The following TMEM178A variants were observed in gnomAD, a reference collection of about 807,000 sequenced individuals.
The protein encoded by TMEM178A is transmembrane protein 178.
TMEM178A carries 12 observed loss-of-function variants against 29.1 expected under a neutral mutation model. The ratio of observed to expected loss-of-function variants is 0.41; its 90% CI spans 0.26 to 0.67. The LOEUF (loss-of-function observed/expected upper bound fraction) is 0.67. Among genes scored for constraint, TMEM178A ranks in the 30% least tolerant of loss-of-function variants. The pLI is 0.29. For synonymous variants in TMEM178A, 210 were observed against 187.2 expected (o/e 1.12, Z -0.99); for missense variants, 366 against 419.1 (o/e 0.87, Z 1.11).
At chr2:39,706,650 A>G (rs1047853245) in intron 2 of TMEM178A, among the ~76,000 whole-genome samples, 1 of 152,110 alleles carries the variant, frequency 6.6e-6, no homozygotes, top group African/African-American at 2.4e-5. Flanking sequence ...TAAAATTTCA[A>G]TAGTTTTTGG....
chr2:39,677,035 C>G (rs1489756991), intron 1 of TMEM178A, among the ~76,000 whole-genome samples: 1 of 152,128 alleles, frequency 6.6e-6, no homozygotes, highest in African/African-American at 2.4e-5. Context: ...ATTGTGCATT[C>G]TAGGGAATAT....
the TMEM178A span, among the ~76,000 whole-genome samples, chr2:39,734,243 A>G: frequency 1.6e-4 from 25 of 152,316 alleles, no homozygotes; most frequent in South Asian, 4.1e-4. Context: ...GCTAAAGCCA[A>G]TGGTCAATTT....
chr2:39,702,682 A>T (rs895825230), intron 1 of TMEM178A, among the ~76,000 whole-genome samples: 3 of 152,114 alleles, frequency 2.0e-5, no homozygotes, highest in African/African-American at 7.2e-5. Flanking sequence ...ATTAAAAAAA[A>T]AAAAAGAACT....
intron 1 of TMEM178A, among the ~76,000 whole-genome samples, chr2:39,672,778 A>G (rs1157821916): frequency 1.3e-5 from 2 of 151,864 alleles, no homozygotes; most frequent in African/African-American, 4.8e-5. Context: ...CTCAAGAGAT[A>G]CTCTTGCCTT....
intron 3 of TMEM178A, among the ~76,000 whole-genome samples, chr2:39,714,380 GAT>G (rs1672443116): frequency 6.6e-6 from 1 of 152,050 alleles, no homozygotes; most frequent in Non-Finnish European, 1.5e-5. Context: ...CTGGCATAGA[GAT>G]AACACTTAAA....
chr2:39,711,121 G>T (rs1213934722), intron 3 of TMEM178A, among the ~76,000 whole-genome samples: 1 of 152,122 alleles, frequency 6.6e-6, no homozygotes, highest in East Asian at 1.9e-4. Flanking sequence ...CACCCTCTGA[G>T]GTTACACACA....
At chr2:39,722,664 C>G (rs1216447961), downstream of TMEM178A, among the ~76,000 whole-genome samples, 1 of 150,736 alleles carries the variant, frequency 6.6e-6, no homozygotes, top group Non-Finnish European at 1.5e-5. Context: ...ACTGGCCAAC[C>G]CCAGTTTAAA....
downstream of TMEM178A, among the ~76,000 whole-genome samples, chr2:39,722,736 A>G (rs1463731218): frequency 6.6e-6 from 1 of 152,192 alleles, no homozygotes; most frequent in African/African-American, 2.4e-5. Context: ...GAGCTCACTA[A>G]GAAATTCTGA....
chr2:39,727,835 A>C, the TMEM178A span, among the ~76,000 whole-genome samples: 1 of 151,234 alleles, frequency 6.6e-6, no homozygotes, highest in Admixed American at 6.6e-5. Flanking sequence ...TCCCTGTGAC[A>C]GTTTGCTGAG....
chr2:39,672,872 A>G (rs963853304), intron 1 of TMEM178A, among the ~76,000 whole-genome samples: 12 of 152,136 alleles, frequency 7.9e-5, no homozygotes, highest in Non-Finnish European at 1.2e-4. Flanking sequence ...ATAAAAGATC[A>G]GTTTTTGTTG....
At chr2:39,705,698 C>T (rs1671997436) in intron 2 of TMEM178A, among the ~76,000 whole-genome samples, 1 of 152,196 alleles carries the variant, frequency 6.6e-6, no homozygotes, top group African/African-American at 2.4e-5. Flanking sequence ...CTGGAAGCTA[C>T]TGTAATCCAT....
the TMEM178A span, among the ~76,000 whole-genome samples, chr2:39,730,120 C>G: frequency 5.3e-4 from 80 of 152,254 alleles, no homozygotes; most frequent in African/African-American, 1.8e-3. Context: ...GTGTTTCTGT[C>G]CAGTGGAATC....
chr2:39,706,246 T>A (rs1672029417), intron 2 of TMEM178A, among the ~76,000 whole-genome samples: 1 of 152,132 alleles, frequency 6.6e-6, no homozygotes, highest in Non-Finnish European at 1.5e-5. Flanking sequence ...ACTAGACAGT[T>A]GGGCCACTGT....
In TMEM178A at chr2:39,701,855, C is replaced by G. The variant is rs181924566; in HGVS notation, c.401-2226C>G. 3.3e-5 allele frequency among the ~76,000 whole-genome samples: 5 copies of G among 152,176 alleles called. No individual in the cohort carries two copies. In the South Asian group the frequency reaches 6.2e-4, roughly 19 times the overall value. ...TGCATTTTTCTTTTCAGTTATTATACTTTTCAACTCCAGAATTTCTATTTT... is the reference window on the plus strand; with the variant it reads ...TGCATTTTTCTTTTCAGTTATTATAGTTTTCAACTCCAGAATTTCTATTTT... On this transcript the variant is annotated intron_variant, in intron 1 of 3. Transcript: ENST00000281961.
At chr2:39,732,425 A>G in the TMEM178A span, among the ~76,000 whole-genome samples, 11 of 152,106 alleles carry the variant, frequency 7.2e-5, no homozygotes, top group Admixed American at 5.2e-4. Context: ...GTGGAACTCA[A>G]TGCTGATATA....
chr2:39,693,966 C>CT (rs758406067), intron 1 of TMEM178A, among the ~76,000 whole-genome samples: 2,740 of 138,918 alleles, frequency 0.02, 87 homozygotes, highest in African/African-American at 0.064. Flanking sequence ...CCTCAGCCAC[C>CT]TTTTTTTTTT....
rs200218947 is a variant in TMEM178A, at chr2:39,707,092, C to T, written c.558C>T (p.Ala186=). Reference sequence around the variant, plus strand: ...CTGGCTTCCTCGGCATGGCCGTAGCCGTCCTTCTCTGCGGCTGCATTGTGG... The same window carrying T: ...CTGGCTTCCTCGGCATGGCCGTAGCTGTCCTTCTCTGCGGCTGCATTGTGG... ...ITAGFLGMAV[A]VLLCGCIVAT... Residue 186 remains alanine, a synonymous_variant, in exon 3 of 4, where the codon GCC becomes GCT. Coordinates refer to ENST00000281961, the MANE Select transcript of TMEM178A (RefSeq NM_152390.3). 8.2e-5 allele frequency: 132 copies of T among 1,613,936 alleles called. No individual in the cohort carries two copies. The highest frequency in any genetic ancestry group is 1.1e-4 in the Non-Finnish European group (125 of 1,179,972).
intron 1 of TMEM178A, among the ~76,000 whole-genome samples, chr2:39,682,742 T>G (rs1406651191): frequency 6.6e-6 from 1 of 152,226 alleles, no homozygotes; most frequent in Non-Finnish European, 1.5e-5. Context: ...GATGTAAATT[T>G]TGTGGCTCTC....
chr2:39,676,141 T>C (rs922269458), intron 1 of TMEM178A, among the ~76,000 whole-genome samples: 1 of 152,212 alleles, frequency 6.6e-6, no homozygotes, highest in Non-Finnish European at 1.5e-5. Flanking sequence ...GGTGTAATTT[T>C]AAAATATGTA....
Sources: allele counts gnomAD v4.1 joint callset (sites outside exome capture counted in the v4.1 genomes callset), GRCh38; gene constraint gnomAD v4.1.1; transcripts MANE v1.5; gene names NCBI Gene and HGNC (gene_info 2026-07-23, HGNC 2026-07-21).